Variants in PPP2R2C observed in about 807,000 individuals in gnomAD.
PPP2R2C encodes protein phosphatase 2 regulatory subunit Bgamma, also known as protein phosphatase 2, regulatory subunit B, gamma.
Under a neutral mutation model 45.3 loss-of-function variants are expected in PPP2R2C, and 10 were observed. That is an observed-to-expected ratio of 0.22 (90% CI 0.14 to 0.37). PPP2R2C has a LOEUF of 0.37. Ranked by LOEUF, PPP2R2C falls within the 10% of genes least tolerant of loss-of-function variation. The pLI, the probability that PPP2R2C is intolerant of heterozygous loss-of-function variation, is 1.00. For synonymous variants in PPP2R2C, 257 were observed against 245.4 expected, an observed-to-expected ratio of 1.05 and a Z score of -0.44; for missense variants, 308 against 619.7, an observed-to-expected ratio of 0.50 and a Z score of 5.34.
At chr4:6,514,622 G>A (rs1225696129) in intron 2 of PPP2R2C, among the ~76,000 whole-genome samples, 1 of 152,202 alleles carries the variant, frequency 6.6e-6, no homozygotes, top group African/African-American at 2.4e-5. Context: ...ACCGGGTTCT[G>A]GAATATGCCC....
At chr4:6,408,891 T>TA (rs1553895372) in intron 1 of PPP2R2C, among the ~76,000 whole-genome samples, 2 of 149,768 alleles carry the variant, frequency 1.3e-5, no homozygotes, top group Admixed American at 6.6e-5. Context: ...TTTTTTTTTT[T>TA]AGGATTACAG....
At chr4:6,542,215 A>C (rs1168969737) in intron 1 of PPP2R2C, among the ~76,000 whole-genome samples, 1 of 152,226 alleles carries the variant, frequency 6.6e-6, no homozygotes, top group Non-Finnish European at 1.5e-5. Context: ...GGAGATCTGC[A>C]CTAAACAAGG....
chr4:6,444,376 A>G (rs1362109455), intron 1 of PPP2R2C, among the ~76,000 whole-genome samples: 1 of 148,408 alleles, frequency 6.7e-6, no homozygotes, highest in Non-Finnish European at 1.5e-5. Context: ...TTTCTTATTC[A>G]GTCTTCCTGA....
chr4:6,409,978 A>C (rs4689435), intron 1 of PPP2R2C, among the ~76,000 whole-genome samples: 27,671 of 152,118 alleles, frequency 0.18, 2,844 homozygotes, highest in South Asian at 0.31. Flanking sequence ...GTAGAGTTTA[A>C]AGTGAGGAGC....
At chr4:6,361,433 T>A (rs1228346814) in intron 5 of PPP2R2C, among the ~76,000 whole-genome samples, 1 of 152,234 alleles carries the variant, frequency 6.6e-6, no homozygotes, top group East Asian at 1.9e-4. Context: ...CTGCCTAACA[T>A]CTGTGTGATC....
In PPP2R2C at chr4:6,351,139, T is replaced by C. The variant is rs140310076; in HGVS notation, c.626-3129A>G. The C allele has an allele frequency of 2.7e-3, 1,725 of 644,152 alleles. 24 individuals are homozygous for C. The African/African-American group carries it at 0.031, about 12-fold the overall frequency. The allele number at this position is 644,152 out of a possible 1,614,324, so 39.9% of individuals were successfully genotyped here. On this transcript the variant is annotated intron_variant, in intron 5 of 8. Coordinates refer to ENST00000382599, the MANE Select transcript of PPP2R2C (RefSeq NM_020416.4). ...GACCAACATACCAAAACCCCGTCTC[T>C]ACTAAAAATAAAAAATAAAAAAAAA...
At chr4:6,339,622 T>A (rs1442011308) in intron 6 of PPP2R2C, among the ~76,000 whole-genome samples, 1 of 152,160 alleles carries the variant, frequency 6.6e-6, no homozygotes, top group Non-Finnish European at 1.5e-5. Flanking sequence ...TAGAAATGCA[T>A]GGGCTTGAGC....
At chr4:6,494,706 C>T (rs1489934507) in intron 2 of PPP2R2C, among the ~76,000 whole-genome samples, 1 of 152,176 alleles carries the variant, frequency 6.6e-6, no homozygotes, top group Admixed American at 6.5e-5. Context: ...GGGAGCAGGG[C>T]AGACAGGCAT....
At chr4:6,537,432 CTT>C (rs2108828539) in intron 1 of PPP2R2C, among the ~76,000 whole-genome samples, 1 of 152,056 alleles carries the variant, frequency 6.6e-6, no homozygotes, top group African/African-American at 2.4e-5. Context: ...CCTTCTAAAA[CTT>C]TGTTTTTAGT....
intron 1 of PPP2R2C, among the ~76,000 whole-genome samples, chr4:6,427,053 A>G (rs1476470182): frequency 6.6e-6 from 1 of 152,212 alleles, no homozygotes; most frequent in Admixed American, 6.5e-5. Flanking sequence ...GTGAACCCCA[A>G]GAAGAGAATA....
intron 1 of PPP2R2C, among the ~76,000 whole-genome samples, chr4:6,405,525 G>A (rs1329852610): frequency 1.3e-5 from 2 of 152,336 alleles, no homozygotes; most frequent in East Asian, 1.9e-4. Flanking sequence ...ATGAGGAAGG[G>A]ACCCCAAGGG....
chr4:6,499,589 T>C (rs1373274282), intron 2 of PPP2R2C, among the ~76,000 whole-genome samples: 4 of 152,148 alleles, frequency 2.6e-5, no homozygotes, highest in Non-Finnish European at 5.9e-5. Context: ...CGAAAATGCA[T>C]CAAGGGCTCA....
At chr4:6,423,397 T>C (rs905864574) in intron 1 of PPP2R2C, among the ~76,000 whole-genome samples, 5 of 152,064 alleles carry the variant, frequency 3.3e-5, no homozygotes, top group Non-Finnish European at 7.4e-5. Context: ...AGAGACGAGG[T>C]TTCACCACAT....
At chr4:6,489,929 T>C (rs2108784743) in intron 2 of PPP2R2C, among the ~76,000 whole-genome samples, 1 of 152,300 alleles carries the variant, frequency 6.6e-6, no homozygotes, top group African/African-American at 2.4e-5. Context: ...GAAAAATAAA[T>C]GGGCATAGAG....
chr4:6,410,824 G>GTTTCCTTC (rs1718120941), intron 1 of PPP2R2C, among the ~76,000 whole-genome samples: 2 of 151,470 alleles, frequency 1.3e-5, no homozygotes, highest in Admixed American at 6.6e-5. Context: ...ATGGAGTAGG[G>GTTTCCTTC]ACTACTATTC....
intron 2 of PPP2R2C, among the ~76,000 whole-genome samples, chr4:6,482,485 G>C (rs547513943): frequency 6.6e-6 from 1 of 152,118 alleles, no homozygotes; most frequent in South Asian, 2.1e-4. Flanking sequence ...TCTCTTAAGC[G>C]TCTTATAGAT....
At chr4:6,437,088 C>T (rs931848814) in intron 1 of PPP2R2C, among the ~76,000 whole-genome samples, 2 of 152,246 alleles carry the variant, frequency 1.3e-5, no homozygotes, top group Admixed American at 6.5e-5. Flanking sequence ...CAGCACGCCA[C>T]AGTCCCCACC....
Position 6,324,709 on chromosome 4 carries a change from C to T in PPP2R2C, c.1053-1116G>A, listed in dbSNP as rs1344886154. On this transcript the variant is annotated intron_variant, in intron 8 of 8. Transcript: ENST00000382599. This position sits in a 1 kb window ranked among gnomAD's most constrained non-coding sequence, Gnocchi z 4.1. Reference sequence around the variant, plus strand: ...CACCGTCCCGCTAAAGAGAATTCCACACCATTTCTCTGCTCTCCCTGCTCC... The same window carrying T: ...CACCGTCCCGCTAAAGAGAATTCCATACCATTTCTCTGCTCTCCCTGCTCC... Among the ~76,000 whole-genome samples, 3 of 152,226 alleles carry T rather than the reference C, an allele frequency of 2.0e-5. No homozygotes were observed. The highest frequency in any genetic ancestry group is 7.2e-5 in the African/African-American group (3 of 41,456).
Position 6,322,800 on chromosome 4 carries a change from C to T in PPP2R2C, c.*502G>A, listed in dbSNP as rs1731631602. ...ACAGGGCGAATTGCCCCATTTATAA[C>T]CAAAAGAACCCCTGGCTGGCTCGTT... On this transcript the variant is annotated 3_prime_UTR_variant, in exon 9 of 9. Transcript: ENST00000382599. This position sits in a 1 kb window ranked among gnomAD's most constrained non-coding sequence, Gnocchi z 7.8. 6.6e-6 allele frequency: 1 copy of T among 152,640 alleles called. No homozygotes were observed. Among genetic ancestry groups the T allele is most frequent in the South Asian group, 2.1e-4 (1 of 4,834 alleles). 9.5% of individuals were successfully genotyped at this position (152,640 alleles called of 1,614,324 possible).
Sources: allele counts gnomAD v4.1 joint callset (sites outside exome capture counted in the v4.1 genomes callset), GRCh38; gene constraint gnomAD v4.1.1; non-coding constraint Gnocchi (gnomAD v3.1); transcripts MANE v1.5; gene names NCBI Gene and HGNC (gene_info 2026-07-23, HGNC 2026-07-21).